ACOT7: variants seen among roughly 807,000 people sequenced by gnomAD.
ACOT7 encodes acyl-CoA thioesterase 7.
In ACOT7, 12 loss-of-function variants were observed where a neutral mutation model predicts 40.2. The observed-to-expected ratio is 0.30, with a 90% CI of 0.19 to 0.48. The LOEUF is 0.48. ACOT7 is among the 20% of genes least tolerant of loss of function. ACOT7 has a pLI of 0.99. For synonymous variants in ACOT7, 228 were observed against 219.5 expected (o/e 1.04, Z -0.34); for missense variants, 395 against 530.8 (o/e 0.74, Z 2.51).
In ACOT7 at chr1:6,278,992, G is replaced by T. The variant is rs970740862; in HGVS notation, c.1014+2110C>A. Among the ~76,000 whole-genome samples the T allele has an allele frequency of 6.6e-6, 1 of 152,220 alleles. No individual in the cohort carries two copies. The highest frequency in any genetic ancestry group is 2.4e-5 in the African/African-American group (1 of 41,454). On this transcript the variant is annotated intron_variant, in intron 8 of 8. Transcript: ENST00000361521. The surrounding 1 kb of genome is among the most constrained non-coding windows in gnomAD (Gnocchi z 4.1). ...AGGAGAGAGCTTCGGAAATGTGCCT[G>T]GGTCAGGTGGGGGATTCAGCATCAG... is the stretch of plus-strand genomic sequence containing the variant.
At chr1:6,324,912 G>A (rs56790503) in intron 5 of ACOT7, among the ~76,000 whole-genome samples, 24,678 of 152,118 alleles carry the variant, frequency 0.16, 3,860 homozygotes, top group African/African-American at 0.41. Flanking sequence ...GGCCCTGAGC[G>A]CTGTGTTGGT....
intron 5 of ACOT7, among the ~76,000 whole-genome samples, chr1:6,323,738 ATATATAT>A (rs1284481948): frequency 1.6e-3 from 52 of 33,546 alleles, no homozygotes; most frequent in African/African-American, 3.8e-3. Flanking sequence ...AAAAAAAAAA[ATATATAT>A]ATATATATAT....
intron 8 of ACOT7, among the ~76,000 whole-genome samples, chr1:6,273,605 C>G (rs962130430): frequency 2.0e-5 from 3 of 152,138 alleles, no homozygotes; most frequent in Non-Finnish European, 4.4e-5. Flanking sequence ...TTCACCAAGC[C>G]CTTCCAGGAA....
chr1:6,308,750 G>T (rs1450894802), intron 6 of ACOT7, among the ~76,000 whole-genome samples: 1 of 151,574 alleles, frequency 6.6e-6, no homozygotes, highest in Non-Finnish European at 1.5e-5. Flanking sequence ...TGACCAGGTG[G>T]AGAGAACTGC....
chr1:6,370,486 ATTAT>A (rs1254133226), intron 1 of ACOT7, among the ~76,000 whole-genome samples: 1 of 146,904 alleles, frequency 6.8e-6, no homozygotes, highest in Non-Finnish European at 1.5e-5. Flanking sequence ...TATTATTATT[ATTAT>A]TATTATTATT....
chr1:6,326,321 G>A (rs1557651836), intron 5 of ACOT7, among the ~76,000 whole-genome samples: 1 of 152,216 alleles, frequency 6.6e-6, no homozygotes. Context: ...CCCCTGCCCT[G>A]AATTGTTTCT....
In ACOT7 at chr1:6,352,739, C is replaced by A. The variant is rs562238178; in HGVS notation, c.144-2873G>T. ...CTGGCACTACAGGCGCCCGCCACCA[C>A]GCCCGGCTAATTTTTTGCATTTTTT... On this transcript the variant is annotated intron_variant, in intron 1 of 8. Transcript: ENST00000361521. This position sits in a 1 kb window ranked among gnomAD's most constrained non-coding sequence, Gnocchi z 4.5. Among the ~76,000 whole-genome samples the A allele has an allele frequency of 6.6e-6, 1 of 151,808 alleles. No individual in the cohort carries two copies. The highest frequency in any genetic ancestry group is 1.5e-5 in the Non-Finnish European group (1 of 67,964).
At position 6,359,659 on chromosome 1, in the gene ACOT7, C is replaced by T. The variant is rs1641844156; in HGVS notation, c.144-9793G>A. On this transcript the variant is annotated intron_variant, in intron 1 of 8. Coordinates refer to ENST00000361521, the MANE Select transcript of ACOT7 (RefSeq NM_007274.4). The surrounding 1 kb of genome is among the most constrained non-coding windows in gnomAD (Gnocchi z 4.1). ...GTCAGGAAGAAAGAAAGAGGCCAAA[C>T]AATCACAGCGGCCAGGGTGCAGGCT... Among the ~76,000 whole-genome samples, 4 of 152,234 alleles carry T rather than the reference C, an allele frequency of 2.6e-5. No individual in the cohort carries two copies. The South Asian group carries it at 6.2e-4, about 24-fold the overall frequency.
intron 6 of ACOT7, among the ~76,000 whole-genome samples, chr1:6,296,255 A>T (rs1490058728): frequency 6.6e-6 from 1 of 152,092 alleles, no homozygotes; most frequent in African/African-American, 2.4e-5. Flanking sequence ...CTGTTATATC[A>T]AACAAACAAA....
rs1485011522 is a variant in ACOT7, at chr1:6,358,852, TAGGACATCCC to T, written c.144-8996_144-8987del. 16 of 1,613,756 alleles carry T rather than the reference TAGGACATCCC, an allele frequency of 9.9e-6. No individual in the cohort carries two copies. Among genetic ancestry groups the T allele is most frequent in the Non-Finnish European group, 1.4e-5 (16 of 1,179,874 alleles). On this transcript the variant is annotated intron_variant, in intron 1 of 8. Coordinates refer to ENST00000361521, the MANE Select transcript of ACOT7 (RefSeq NM_007274.4). The surrounding 1 kb of genome is among the most constrained non-coding windows in gnomAD (Gnocchi z 4.1). ...TGCTCAGCTGGAAAGCCATGGTGGC[TAGGACATCCC>T]AGGATCAGATGCAGAGAAAGGCGAG...
In ACOT7 at chr1:6,278,763, C is replaced by T. The variant is rs539159167; in HGVS notation, c.1014+2339G>A. Among the ~76,000 whole-genome samples the T allele has an allele frequency of 7.2e-5, 11 of 152,206 alleles. No homozygotes were observed. Among genetic ancestry groups the T allele is most frequent in the African/African-American group, 1.9e-4 (8 of 41,534 alleles). The stretch of plus-strand genomic sequence containing the variant: ...AAGGGTTCGGGGACCGTGTGGTGGC[C>T]GGGGAGGCTGGAGTATCCCTACAGA... On this transcript the variant is annotated intron_variant, in intron 8 of 8. Coordinates refer to ENST00000361521, the MANE Select transcript of ACOT7 (RefSeq NM_007274.4). This position sits in a 1 kb window ranked among gnomAD's most constrained non-coding sequence, Gnocchi z 4.1.
At position 6,311,307 on chromosome 1, in the gene ACOT7, G is replaced by A. The variant is rs1236640395; in HGVS notation, c.712+7185C>T. 1.3e-5 allele frequency among the ~76,000 whole-genome samples: 2 copies of A among 152,038 alleles called. No individual in the cohort carries two copies. Among genetic ancestry groups the A allele is most frequent in the Non-Finnish European group, 1.5e-5 (1 of 67,992 alleles). On this transcript the variant is annotated intron_variant, in intron 6 of 8. Coordinates refer to ENST00000361521, the MANE Select transcript of ACOT7 (RefSeq NM_007274.4). The surrounding 1 kb of genome is among the most constrained non-coding windows in gnomAD (Gnocchi z 5.2). ...CATGCCCTCCCTCCATTCCCCTCACGCTCTAAAGACCCTGATACAGGAACC... is the reference window on the plus strand; with the variant it reads ...CATGCCCTCCCTCCATTCCCCTCACACTCTAAAGACCCTGATACAGGAACC...
At chr1:6,323,737 A>AAAAAAT (rs1553158667) in intron 5 of ACOT7, among the ~76,000 whole-genome samples, 16 of 38,416 alleles carry the variant, frequency 4.2e-4, no homozygotes, top group East Asian at 1.4e-3. Context: ...AAAAAAAAAA[A>AAAAAAT]ATATATATAT....
At chr1:6,277,334 C>T (rs1639224649) in intron 8 of ACOT7, among the ~76,000 whole-genome samples, 2 of 152,244 alleles carry the variant, frequency 1.3e-5, no homozygotes, top group African/African-American at 2.4e-5. Flanking sequence ...TGGGCAAACA[C>T]CAACCACGCC....
At chr1:6,316,667 G>A (rs376529699) in intron 6 of ACOT7, among the ~76,000 whole-genome samples, 19 of 152,254 alleles carry the variant, frequency 1.2e-4, no homozygotes, top group East Asian at 9.7e-4. Context: ...AAAATTAGCC[G>A]AGTGTGGTGG....
At chr1:6,378,198 C>T (rs1642271668) in intron 1 of ACOT7, among the ~76,000 whole-genome samples, 1 of 140,336 alleles carries the variant, frequency 7.1e-6, no homozygotes, top group Admixed American at 7.3e-5. Context: ...GGTAGTGGCT[C>T]AAGGTAAGAC....
intron 1 of ACOT7, among the ~76,000 whole-genome samples, chr1:6,363,731 T>C (rs1488852084): frequency 1.3e-5 from 2 of 151,986 alleles, no homozygotes; most frequent in Non-Finnish European, 2.9e-5. Flanking sequence ...CCCCTCCCCT[T>C]TTGCCTTGTA....
In ACOT7 at chr1:6,358,162, T is replaced by C. The variant is rs1641800106; in HGVS notation, c.144-8296A>G. 6.6e-6 allele frequency among the ~76,000 whole-genome samples: 1 copy of C among 151,684 alleles called. No homozygotes were observed. The highest frequency in any genetic ancestry group is 1.5e-5 in the Non-Finnish European group (1 of 67,918). ...GAGATTACAGGCGTGAGTCACAGAG[T>C]CTGGCCCCTGCTTCTCCTCTTTGAC... is the stretch of plus-strand genomic sequence containing the variant. On this transcript the variant is annotated intron_variant, in intron 1 of 8. Coordinates refer to ENST00000361521, the MANE Select transcript of ACOT7 (RefSeq NM_007274.4). This position sits in a 1 kb window ranked among gnomAD's most constrained non-coding sequence, Gnocchi z 4.1.
intron 8 of ACOT7, among the ~76,000 whole-genome samples, chr1:6,272,572 G>A (rs1468361283): frequency 6.6e-6 from 1 of 152,206 alleles, no homozygotes; most frequent in African/African-American, 2.4e-5. Context: ...CTACCACCGT[G>A]TGGGGCACAG....
Sources: gnomAD v4.1 joint callset for allele counts (sites outside exome capture counted in the v4.1 genomes callset) on GRCh38, gnomAD v4.1.1 for gene constraint, Gnocchi (gnomAD v3.1) non-coding constraint, MANE v1.5 for transcripts, NCBI Gene and HGNC (gene_info 2026-07-23, HGNC 2026-07-21) for gene names.